The following POMT2 variants were observed in gnomAD, a reference collection of about 807,000 sequenced individuals.
The protein encoded by POMT2 is protein O-mannosyl-transferase 2.
In POMT2, 75 loss-of-function variants were observed where a neutral mutation model predicts 100.0. That is an observed-to-expected ratio of 0.75 (90% CI 0.62 to 0.91). The LOEUF is 0.91. POMT2 is among the 40% of genes least tolerant of loss of function. POMT2 has a pLI of 0.00. For synonymous variants in POMT2, 378 were observed against 374.1 expected (o/e 1.01, Z -0.12); for missense variants, 940 against 955.1 (o/e 0.98, Z 0.21).
At chr14:77,278,155 T>G (rs561879608) in intron 20 of POMT2, 1 of 536,006 alleles carries the variant, frequency 1.9e-6, no homozygotes, top group East Asian at 3.3e-5. Context: ...GCACAAAAGC[T>G]GAACCACCGG....
chr14:77,315,884 C>T lies in POMT2; in HGVS notation c.249-3851G>A, dbSNP rs181908412. ...AAAAGGTAGCCAGGCGTGATAGGGG[C>T]GCCTGTAATCCCAGCTACTCGGGAG... On this transcript the variant is annotated intron_variant, in intron 1 of 20. Transcript: ENST00000261534. Among the ~76,000 whole-genome samples, 186 of 152,202 alleles carry T rather than the reference C, an allele frequency of 1.2e-3. 1 individual carries two copies. The highest frequency in any genetic ancestry group is 4.2e-3 in the African/African-American group (173 of 41,524).
chr14:77,297,409 C>G (rs537836478), intron 8 of POMT2, among the ~76,000 whole-genome samples: 8 of 152,296 alleles, frequency 5.3e-5, no homozygotes, highest in Admixed American at 1.3e-4. Context: ...GCTACTGCCA[C>G]AGCATCAATT....
intron 1 of POMT2, among the ~76,000 whole-genome samples, chr14:77,313,382 T>C (rs2139523191): frequency 6.6e-6 from 1 of 152,312 alleles, no homozygotes. Flanking sequence ...CAAAGCAGGG[T>C]AATGAAACTG....
chr14:77,297,523 G>A (rs566035824), intron 8 of POMT2, among the ~76,000 whole-genome samples: 1 of 152,222 alleles, frequency 6.6e-6, no homozygotes. Flanking sequence ...CCCCTCTCGC[G>A]TGGAATTCAG....
At chr14:77,313,638 G>C (rs1011459937) in intron 1 of POMT2, among the ~76,000 whole-genome samples, 1 of 152,204 alleles carries the variant, frequency 6.6e-6, no homozygotes, top group Non-Finnish European at 1.5e-5. Flanking sequence ...TTTGTGGTTA[G>C]TTTTTAAATC....
intron 3 of POMT2, chr14:77,306,117 A>C: frequency 4.8e-6 from 3 of 625,138 alleles, no homozygotes; most frequent in Non-Finnish European, 7.8e-6. Context: ...GCTTCTATCT[A>C]TGTCATCTCT....
rs1381239018 is a variant in POMT2, at chr14:77,291,308, C to G, written c.1183+6G>C. ...CACAAGAAGCATCAGTCTCTGACCA[C>G]ATTACCTGAGTTTGTGTTATGTTTC... On this transcript the variant is annotated splice_donor_region_variant and intron_variant, in intron 10 of 20. Transcript: ENST00000261534. The G allele has an allele frequency of 4.2e-5, 68 of 1,606,012 alleles. No homozygotes were observed. The highest frequency in any genetic ancestry group is 5.4e-5 in the Non-Finnish European group (64 of 1,178,064).
At chr14:77,298,883 T>A in intron 7 of POMT2, 112 bp from the exon 8 acceptor site, 1 of 1,045,464 alleles carries the variant, frequency 9.6e-7, no homozygotes, top group Non-Finnish European at 1.4e-6. Flanking sequence ...TAGAATCAGA[T>A]CATGGGACAG....
intron 15 of POMT2, among the ~76,000 whole-genome samples, chr14:77,280,949 C>G (rs1890203913): frequency 6.6e-6 from 1 of 152,060 alleles, no homozygotes; most frequent in African/African-American, 2.4e-5. Flanking sequence ...AAAAAATTAG[C>G]TGAGCGTAGC....
At chr14:77,319,611 T>C (rs1891769866) in intron 1 of POMT2, 1 of 152,248 alleles carries the variant, frequency 6.6e-6, no homozygotes, top group Non-Finnish European at 1.5e-5. Context: ...AAACAGCAGA[T>C]TTTCCAAGCT....
At chr14:77,316,444 C>T (rs571179306) in intron 1 of POMT2, among the ~76,000 whole-genome samples, 57 of 151,474 alleles carry the variant, frequency 3.8e-4, no homozygotes, top group Admixed American at 3.0e-3. Flanking sequence ...CATGGTGGCA[C>T]GTGCCTGTAG....
intron 15 of POMT2, among the ~76,000 whole-genome samples, chr14:77,281,653 G>A (rs1004766965): frequency 7.2e-5 from 11 of 152,128 alleles, no homozygotes; most frequent in Admixed American, 5.9e-4. Context: ...GACTTAGGCC[G>A]GAGCTTCTCC....
At chr14:77,305,847 T>C (rs902979470) in intron 3 of POMT2, among the ~76,000 whole-genome samples, 2 of 152,236 alleles carry the variant, frequency 1.3e-5, no homozygotes, top group Admixed American at 6.5e-5. Context: ...AAACTCTTTC[T>C]GTGTGCCTGA....
In POMT2 at chr14:77,283,829, T is replaced by C. The variant is rs2140179545; in HGVS notation, c.1621A>G (p.Ile541Val). Reference sequence around the variant, plus strand: ...ATGACCATGTGGGATTCCAGCAAGATCTCAGGAAAACTGGGCTGTAGCACA... The same window carrying C: ...ATGACCATGTGGGATTCCAGCAAGACCTCAGGAAAACTGGGCTGTAGCACA... ...LDVLQPSFPE[I>V]LLESHMVMIR... The change falls in exon 15 of 21, where the codon ATC becomes GTC. Residue 541 changes from isoleucine to valine, a missense_variant. Transcript: ENST00000261534. 6.2e-7 allele frequency: 1 copy of C among 1,613,118 alleles called. No individual in the cohort carries two copies. The highest frequency in any genetic ancestry group is 1.1e-5 in the South Asian group (1 of 91,044).
At chr14:77,307,437 A>G (rs1278187591) in intron 2 of POMT2, among the ~76,000 whole-genome samples, 2 of 152,254 alleles carry the variant, frequency 1.3e-5, no homozygotes, top group African/African-American at 4.8e-5. Flanking sequence ...GCAGTAAAAG[A>G]CAACAAAGAC....
In POMT2 at chr14:77,320,466, G is replaced by A. The variant is rs1891833559; in HGVS notation, c.216C>T (p.Arg72=). 1.3e-6 allele frequency: 2 copies of A among 1,545,724 alleles called. No homozygotes were observed. Among genetic ancestry groups the A allele is most frequent in the East Asian group, 2.4e-5 (1 of 40,954 alleles). The change falls in exon 1 of 21, where the codon CGC becomes CGT. Residue 72 remains arginine (R), a synonymous_variant. Coordinates refer to ENST00000261534, the MANE Select transcript of POMT2 (RefSeq NM_013382.7). ...GCGGCGGCTCGTCCAAGCGGTGGAAGCGGGTGGCGAAGGACAGCAGCGTCA... is the reference window on the plus strand; with the variant it reads ...GCGGCGGCTCGTCCAAGCGGTGGAAACGGGTGGCGAAGGACAGCAGCGTCA... The part of the protein sequence containing the change: ...ALVTLLSFAT[R]FHRLDEPPHI...
chr14:77,314,400 G>A (rs913003180), intron 1 of POMT2, among the ~76,000 whole-genome samples: 1 of 152,202 alleles, frequency 6.6e-6, no homozygotes, highest in Non-Finnish European at 1.5e-5. Context: ...GAGAAATAAA[G>A]TCCTCTGTCT....
At chr14:77,292,171 A>C (rs1008634060) in intron 9 of POMT2, among the ~76,000 whole-genome samples, 1 of 152,238 alleles carries the variant, frequency 6.6e-6, no homozygotes, top group Non-Finnish European at 1.5e-5. Context: ...CGTTTTATAC[A>C]AAAAATCTGG....
intron 4 of POMT2, among the ~76,000 whole-genome samples, chr14:77,303,569 G>A (rs1891127957): frequency 6.6e-6 from 1 of 151,934 alleles, no homozygotes; most frequent in South Asian, 2.1e-4. Context: ...TTCTTACTGT[G>A]ATTTGAACCC....
Sources: allele counts gnomAD v4.1 joint callset (sites outside exome capture counted in the v4.1 genomes callset), GRCh38; gene constraint gnomAD v4.1.1; transcripts MANE v1.5; gene names NCBI Gene and HGNC (gene_info 2026-07-23, HGNC 2026-07-21).